ARHGAP44: variants seen among roughly 807,000 people sequenced by gnomAD.
ARHGAP44 encodes the protein rho GTPase-activating protein 44.
A neutral mutation model predicts 106.8 loss-of-function variants in ARHGAP44; 43 were observed. That is an observed-to-expected ratio of 0.40 (90% CI 0.32 to 0.52). ARHGAP44 has a LOEUF of 0.52. ARHGAP44 is among the 20% of genes least tolerant of loss of function. The pLI, the probability that ARHGAP44 is intolerant of heterozygous loss-of-function variation, is 0.48. For missense variants in ARHGAP44, 866 were observed against 1,050.5 expected (o/e 0.82, Z 2.43); for synonymous variants, 439 against 410.3 (o/e 1.07, Z -0.85).
chr17:12,906,378 G>T (rs751544162), intron 3 of ARHGAP44, among the ~76,000 whole-genome samples: 7 of 152,150 alleles, frequency 4.6e-5, no homozygotes, highest in Non-Finnish European at 1.0e-4. Context: ...TAAGGGCTCA[G>T]TCCTACAAGA....
intron 4 of ARHGAP44, among the ~76,000 whole-genome samples, chr17:12,909,758 G>A (rs1049267575): frequency 2.6e-5 from 4 of 152,098 alleles, no homozygotes; most frequent in African/African-American, 9.7e-5. Flanking sequence ...AAGAAAATAG[G>A]GAGAAAGGTA....
chr17:12,977,319 C>T (rs1439668649), intron 18 of ARHGAP44, among the ~76,000 whole-genome samples: 1 of 152,074 alleles, frequency 6.6e-6, no homozygotes, highest in African/African-American at 2.4e-5. Flanking sequence ...GTTTCTGTTT[C>T]CTGGATGTTT....
At chr17:12,906,799 G>A (rs527483543) in intron 3 of ARHGAP44, among the ~76,000 whole-genome samples, 1 of 152,146 alleles carries the variant, frequency 6.6e-6, no homozygotes, top group Admixed American at 6.5e-5. Flanking sequence ...AATTAGCCAG[G>A]CATGGGGGTG....
chr17:12,890,057 A>G (rs2150911223), intron 1 of ARHGAP44, among the ~76,000 whole-genome samples: 1 of 152,246 alleles, frequency 6.6e-6, no homozygotes, highest in South Asian at 2.1e-4. Context: ...CAGTTTTCTC[A>G]GGCTGGGGCT....
At chr17:12,975,627 C>T (rs575856651) in intron 18 of ARHGAP44, among the ~76,000 whole-genome samples, 21 of 151,552 alleles carry the variant, frequency 1.4e-4, no homozygotes, top group South Asian at 1.0e-3. Flanking sequence ...TGAAACCCCA[C>T]CTCTACTAAA....
chr17:12,864,785 G>T (rs2036184864), intron 1 of ARHGAP44, among the ~76,000 whole-genome samples: 1 of 152,142 alleles, frequency 6.6e-6, no homozygotes, highest in Non-Finnish European at 1.5e-5. Flanking sequence ...AAAAATAAAA[G>T]ACTGTATGGA....
At chr17:12,944,437 G>C (rs143181874) in intron 10 of ARHGAP44, among the ~76,000 whole-genome samples, 2 of 152,070 alleles carry the variant, frequency 1.3e-5, no homozygotes, top group East Asian at 3.9e-4. Flanking sequence ...CCATATTCTA[G>C]TCATTCTTTC....
intron 16 of ARHGAP44, among the ~76,000 whole-genome samples, chr17:12,961,468 C>T (rs1164990493): frequency 2.6e-5 from 4 of 152,202 alleles, no homozygotes; most frequent in East Asian, 1.9e-4. Context: ...GGCGTGGTGG[C>T]TCACACCTGT....
At chr17:12,986,928 CTGT>C in intron 20 of ARHGAP44, 2 of 609,878 alleles carry the variant, frequency 3.3e-6, no homozygotes, top group Non-Finnish European at 5.7e-6. Context: ...TGGCAGCAGA[CTGT>C]TGTTTTGTCC....
intron 3 of ARHGAP44, among the ~76,000 whole-genome samples, chr17:12,898,884 C>T (rs574938654): frequency 2.0e-5 from 3 of 152,276 alleles, no homozygotes; most frequent in East Asian, 1.9e-4. Flanking sequence ...CAGTGATAAA[C>T]GTGTAAACTG....
chr17:12,890,463 C>T (rs967526110), intron 1 of ARHGAP44, among the ~76,000 whole-genome samples: 4 of 152,166 alleles, frequency 2.6e-5, no homozygotes, highest in Non-Finnish European at 5.9e-5. Flanking sequence ...ATGGCTGGGG[C>T]AGCCAAGGAG....
At chr17:12,810,763 T>C (rs1391633433) in intron 1 of ARHGAP44, among the ~76,000 whole-genome samples, 1 of 152,164 alleles carries the variant, frequency 6.6e-6, no homozygotes, top group African/African-American at 2.4e-5. Context: ...TATGTATCTC[T>C]TTCACTTGGT....
At chr17:12,914,626 G>C (rs4617903) in intron 4 of ARHGAP44, among the ~76,000 whole-genome samples, 109,613 of 151,212 alleles carry the variant, frequency 0.72, 39,959 homozygotes, top group East Asian at 0.98. Flanking sequence ...GAAACCCCAT[G>C]TCTACTAAAA....
intron 3 of ARHGAP44, among the ~76,000 whole-genome samples, chr17:12,906,588 A>G (rs117451751): frequency 0.03 from 4,514 of 152,336 alleles, 110 homozygotes; most frequent in Non-Finnish European, 0.045. Context: ...AGATGAAAAG[A>G]GTAAACTTAG....
In ARHGAP44 at chr17:12,894,930, T is replaced by C; in HGVS notation, c.54-10T>C. Reference sequence around the variant, plus strand: ...TTTGTTACTGATATGTTTCTCAATGTTCTTTTTAGGGCTGAAAAGACAGAA... The same window carrying C: ...TTTGTTACTGATATGTTTCTCAATGCTCTTTTTAGGGCTGAAAAGACAGAA... On this transcript the variant is annotated splice_polypyrimidine_tract_variant and intron_variant, in intron 1 of 20. Coordinates refer to ENST00000379672, the MANE Select transcript of ARHGAP44 (RefSeq NM_014859.6). The C allele has an allele frequency of 6.3e-7, 1 of 1,581,216 alleles. No individual in the cohort carries two copies.
chr17:12,931,323 C>T (rs1016733935), intron 7 of ARHGAP44, among the ~76,000 whole-genome samples: 4 of 152,152 alleles, frequency 2.6e-5, no homozygotes, highest in African/African-American at 4.8e-5. Context: ...CTGCCCGCCT[C>T]AGCCTCCCAA....
At chr17:12,836,329 C>G (rs1027578939) in intron 1 of ARHGAP44, among the ~76,000 whole-genome samples, 60 of 152,074 alleles carry the variant, frequency 3.9e-4, no homozygotes, top group African/African-American at 1.4e-3. Flanking sequence ...ACAGTGGACT[C>G]CAGACCAAGG....
intron 1 of ARHGAP44, among the ~76,000 whole-genome samples, chr17:12,873,065 T>C (rs1291167966): frequency 6.6e-6 from 1 of 152,154 alleles, no homozygotes; most frequent in Non-Finnish European, 1.5e-5. Flanking sequence ...CTTTATTTAA[T>C]AGCCTTTCGT....
At chr17:12,935,165 C>T (rs903331765) in intron 7 of ARHGAP44, among the ~76,000 whole-genome samples, 2 of 152,052 alleles carry the variant, frequency 1.3e-5, no homozygotes, top group Non-Finnish European at 2.9e-5. Flanking sequence ...GAATAGATTA[C>T]TTTTCTATGT....
Sources: gnomAD v4.1 joint callset for allele counts (sites outside exome capture counted in the v4.1 genomes callset) on GRCh38, gnomAD v4.1.1 for gene constraint, MANE v1.5 for transcripts, NCBI Gene and HGNC (gene_info 2026-07-23, HGNC 2026-07-21) for gene names.